Variants in CNKSR2 observed in about 807,000 individuals in gnomAD.
The protein encoded by CNKSR2 is connector enhancer of kinase suppressor of Ras 2.
CNKSR2 carries 14 observed loss-of-function variants against 84.4 expected under a neutral mutation model. The observed-to-expected ratio is 0.17, with a 90% CI of 0.11 to 0.26. The LOEUF (loss-of-function observed/expected upper bound fraction) is 0.26. Ranked by LOEUF, CNKSR2 falls within the 10% of genes least tolerant of loss-of-function variation. The pLI is 1.00. For missense variants in CNKSR2, 485 were observed against 771.2 expected (o/e 0.63, Z 4.40); for synonymous variants, 275 against 277.9 (o/e 0.99, Z 0.10).
intron 9 of CNKSR2, among the ~76,000 whole-genome samples, chrX:21,522,192 T>C (rs145186422): frequency 0.017 from 1,842 of 110,999 alleles, 23 homozygotes; most frequent in African/African-American, 0.056. Context: ...TAAGGACTTA[T>C]GTGAATGTTC....
intron 4 of CNKSR2, among the ~76,000 whole-genome samples, chrX:21,460,568 T>A (rs187102153): frequency 8.9e-6 from 1 of 111,947 alleles, no homozygotes; most frequent in East Asian, 2.8e-4. Context: ...TTTTAAGTTA[T>A]TTTTAAGTGT....
At chrX:21,473,785 C>T (rs1475415940) in intron 5 of CNKSR2, among the ~76,000 whole-genome samples, 3 of 73,057 alleles carry the variant, frequency 4.1e-5, no homozygotes, top group African/African-American at 3.0e-4. Context: ...CTCGCTCTGT[C>T]ACCCAGGCTG....
intron 4 of CNKSR2, among the ~76,000 whole-genome samples, chrX:21,464,366 T>C (rs927506025): frequency 8.9e-6 from 1 of 112,223 alleles, no homozygotes; most frequent in Non-Finnish European, 1.9e-5. Flanking sequence ...AATTGAAGAC[T>C]GTTTTTCCTA....
At chrX:21,465,034 G>T (rs1026262841) in intron 4 of CNKSR2, among the ~76,000 whole-genome samples, 1 of 111,638 alleles carries the variant, frequency 9.0e-6, no homozygotes, top group Non-Finnish European at 1.9e-5. Flanking sequence ...CATTTGTTCA[G>T]TGTGTTCACA....
intron 1 of CNKSR2, among the ~76,000 whole-genome samples, chrX:21,391,424 C>T (rs945215405): frequency 8.9e-6 from 1 of 112,317 alleles, no homozygotes; most frequent in Non-Finnish European, 1.9e-5. Flanking sequence ...TCTATGCACC[C>T]GCAGGCTTAA....
chrX:21,558,695 G>A (rs1277150529), intron 11 of CNKSR2, among the ~76,000 whole-genome samples: 5 of 110,856 alleles, frequency 4.5e-5, no homozygotes, highest in South Asian at 7.4e-4. Flanking sequence ...CAGAGATGAC[G>A]CAAAATATAA....
chrX:21,631,002 G>A (rs1160333412), intron 20 of CNKSR2, among the ~76,000 whole-genome samples: 1 of 110,416 alleles, frequency 9.1e-6, no homozygotes, highest in East Asian at 2.8e-4. Flanking sequence ...TCCTTTTATA[G>A]CTAATTTTTA....
intron 13 of CNKSR2, 70 bp from the exon 14 acceptor site, chrX:21,590,502 T>A: frequency 1.0e-6 from 1 of 999,820 alleles, no homozygotes; most frequent in Non-Finnish European, 1.4e-6. Flanking sequence ...TTGAGAGTTC[T>A]GTGTAGCGTG....
chrX:21,526,706 T>C (rs1317132134), intron 9 of CNKSR2, among the ~76,000 whole-genome samples, 161 bp from the exon 10 acceptor site: 3 of 111,567 alleles, frequency 2.7e-5, no homozygotes, highest in Non-Finnish European at 5.7e-5. Flanking sequence ...AATATCCATG[T>C]ACTAAATAAC....
intron 15 of CNKSR2, chrX:21,592,201 G>C (rs1208650053): frequency 9.0e-6 from 1 of 111,683 alleles, no homozygotes; most frequent in Non-Finnish European, 1.9e-5. Context: ...TTCTTCATCT[G>C]CAAAATGAGA....
intron 1 of CNKSR2, among the ~76,000 whole-genome samples, chrX:21,413,818 G>T (rs989688350): frequency 9.0e-6 from 1 of 111,060 alleles, no homozygotes; most frequent in Non-Finnish European, 1.9e-5. Flanking sequence ...TTACTCCATT[G>T]TGTATATGTA....
intron 1 of CNKSR2, among the ~76,000 whole-genome samples, chrX:21,397,803 C>T (rs2090139245): frequency 9.0e-6 from 1 of 111,582 alleles, no homozygotes; most frequent in Admixed American, 9.5e-5. Context: ...ATGCTAATTA[C>T]CCTGATTTGA....
intron 13 of CNKSR2, among the ~76,000 whole-genome samples, chrX:21,583,625 CTAT>C (rs1438147364): frequency 8.9e-6 from 1 of 111,901 alleles, no homozygotes; most frequent in African/African-American, 3.2e-5. Flanking sequence ...GAGGAAATTG[CTAT>C]TACTGCAACA....
At chrX:21,436,447 G>T (rs1361605797) in intron 3 of CNKSR2, among the ~76,000 whole-genome samples, 1 of 111,560 alleles carries the variant, frequency 9.0e-6, no homozygotes, top group East Asian at 2.8e-4. Context: ...GCACCAGAGA[G>T]AAATATAAGC....
intron 1 of CNKSR2, among the ~76,000 whole-genome samples, chrX:21,420,282 C>G (rs776371918): frequency 1.8e-4 from 20 of 112,511 alleles, no homozygotes; most frequent in African/African-American, 6.1e-4. Context: ...CTGGGCCTCA[C>G]CCTTCAAGGA....
chrX:21,478,155 T>C (rs955756002), intron 5 of CNKSR2, among the ~76,000 whole-genome samples: 6 of 111,852 alleles, frequency 5.4e-5, no homozygotes, highest in African/African-American at 9.7e-5. Context: ...CACCCTTCTG[T>C]CTCAGCCCCC....
chrX:21,595,625 C>G (rs1384289869), intron 17 of CNKSR2, among the ~76,000 whole-genome samples: 2 of 110,753 alleles, frequency 1.8e-5, no homozygotes, highest in Non-Finnish European at 3.8e-5. Flanking sequence ...TATACAGACC[C>G]AAAAAAATCT....
At chrX:21,534,520 C>G (rs190690359) in intron 11 of CNKSR2, among the ~76,000 whole-genome samples, 1 of 110,266 alleles carries the variant, frequency 9.1e-6, no homozygotes, top group Non-Finnish European at 1.9e-5. Flanking sequence ...ATACTAATTA[C>G]TATAATGACG....
At chrX:21,480,045 G>A (rs1200946037) in intron 5 of CNKSR2, among the ~76,000 whole-genome samples, 1 of 110,868 alleles carries the variant, frequency 9.0e-6, no homozygotes, top group Non-Finnish European at 1.9e-5. Context: ...GAACCTAGAA[G>A]CCTTCTTCTC....
Sources: gnomAD v4.1 joint callset for allele counts (sites outside exome capture counted in the v4.1 genomes callset) on GRCh38, gnomAD v4.1.1 for gene constraint, MANE v1.5 for transcripts, NCBI Gene and HGNC (gene_info 2026-07-23, HGNC 2026-07-21) for gene names.